The following CRPPA variants were observed in gnomAD, a reference collection of about 807,000 sequenced individuals.
The protein encoded by CRPPA is CDP-L-ribitol pyrophosphorylase A, also known as D-ribitol-5-phosphate cytidylyltransferase.
CRPPA carries 43 observed loss-of-function variants against 52.0 expected under a neutral mutation model. The observed-to-expected ratio is 0.83, with a 90% confidence interval of 0.65 to 1.07. The LOEUF is 1.07. Among genes scored for constraint, CRPPA ranks in the 50% least tolerant of loss-of-function variants. The pLI, the probability that CRPPA is intolerant of heterozygous loss-of-function variation, is 0.00. For synonymous variants in CRPPA, 250 were observed against 203.5 expected, an observed-to-expected ratio of 1.23 and a Z score of -1.94; for missense variants, 629 against 551.7, an observed-to-expected ratio of 1.14 and a Z score of -1.40.
intron 9 of CRPPA, among the ~76,000 whole-genome samples, chr7:16,112,944 C>T (rs1037898411): frequency 1.3e-5 from 2 of 151,832 alleles, no homozygotes; most frequent in Non-Finnish European, 2.9e-5. Context: ...GAAATGCATT[C>T]ATAATAAAAA....
intron 2 of CRPPA, among the ~76,000 whole-genome samples, chr7:16,404,690 C>T (rs1490101417): frequency 6.6e-6 from 1 of 151,912 alleles, no homozygotes; most frequent in Non-Finnish European, 1.5e-5. Flanking sequence ...ATTGTCATCC[C>T]TAAGAACTCT....
chr7:16,300,520 G>A (rs372626440), intron 5 of CRPPA, among the ~76,000 whole-genome samples: 31 of 152,266 alleles, frequency 2.0e-4, no homozygotes, highest in African/African-American at 7.5e-4. Flanking sequence ...TAAAATAGTG[G>A]TTCTCTATCA....
At chr7:16,255,522 C>A (rs375853578) in intron 8 of CRPPA, among the ~76,000 whole-genome samples, 1 of 152,166 alleles carries the variant, frequency 6.6e-6, no homozygotes, top group African/African-American at 2.4e-5. Flanking sequence ...GGAGGCATCA[C>A]GCTACCTGAC....
At chr7:16,265,512 CCAA>C (rs551659182) in intron 6 of CRPPA, among the ~76,000 whole-genome samples, 3 of 152,158 alleles carry the variant, frequency 2.0e-5, no homozygotes, top group Non-Finnish European at 4.4e-5. Flanking sequence ...AGGACATTTC[CCAA>C]CAACTACTGT....
At chr7:16,202,081 TC>T (rs1781873340) in intron 9 of CRPPA, among the ~76,000 whole-genome samples, 1 of 152,202 alleles carries the variant, frequency 6.6e-6, no homozygotes, top group South Asian at 2.1e-4. Flanking sequence ...TAATCACATC[TC>T]CTCTCCAACT....
intron 9 of CRPPA, among the ~76,000 whole-genome samples, chr7:16,178,845 T>C (rs1434953475): frequency 6.6e-6 from 1 of 152,136 alleles, no homozygotes; most frequent in Non-Finnish European, 1.5e-5. Flanking sequence ...ATTAATTGTG[T>C]CTTTATTATG....
intron 9 of CRPPA, among the ~76,000 whole-genome samples, chr7:16,182,369 CTTGT>C (rs1248987999): frequency 6.6e-6 from 1 of 151,884 alleles, no homozygotes; most frequent in Admixed American, 6.6e-5. Context: ...AGTAAAATTC[CTTGT>C]TTAACAGAAA....
chr7:16,333,958 C>T (rs542519303), intron 3 of CRPPA, among the ~76,000 whole-genome samples: 1 of 152,126 alleles, frequency 6.6e-6, no homozygotes, highest in Non-Finnish European at 1.5e-5. Flanking sequence ...TGGCAGACAT[C>T]CACCTTCCTC....
intron 8 of CRPPA, among the ~76,000 whole-genome samples, chr7:16,252,412 A>C (rs1273707402): frequency 6.6e-6 from 1 of 152,194 alleles, no homozygotes; most frequent in African/African-American, 2.4e-5. Flanking sequence ...TCAAAATAAT[A>C]AGAGCTATTT....
At chr7:16,247,843 G>A (rs964691528) in intron 8 of CRPPA, 58 of 152,102 alleles carry the variant, frequency 3.8e-4, no homozygotes, top group African/African-American at 1.3e-3. Flanking sequence ...CTAGTTGTGA[G>A]AGACATGTAC....
At position 16,421,326 on chromosome 7, in the gene CRPPA, T is replaced by C; in HGVS notation, c.-4A>G. ...TGCCCGGCGGCCCGGCCTCCATGGCTGCGGGCGGAACGGCGAGCCCCGCTA... is the reference window on the plus strand; with the variant it reads ...TGCCCGGCGGCCCGGCCTCCATGGCCGCGGGCGGAACGGCGAGCCCCGCTA... On this transcript the variant is annotated 5_prime_UTR_variant, in exon 1 of 10. Coordinates refer to ENST00000407010, the MANE Select transcript of CRPPA (RefSeq NM_001101426.4). 8.0e-7 allele frequency: 1 copy of C among 1,247,814 alleles called. No individual in the cohort carries two copies. Among genetic ancestry groups the C allele is most frequent in the Non-Finnish European group, 1.0e-6 (1 of 993,032 alleles). The allele number at this position is 1,247,814 out of a possible 1,614,324, so 77.3% of individuals were successfully genotyped here. A position where few individuals can be genotyped will look rare whatever the true frequency, so the allele number is the denominator to read the frequency against.
At chr7:16,394,811 C>G (rs928334845) in intron 2 of CRPPA, among the ~76,000 whole-genome samples, 2 of 152,124 alleles carry the variant, frequency 1.3e-5, no homozygotes, top group Non-Finnish European at 2.9e-5. Context: ...CTTCAGGCAT[C>G]TTAAACTAAA....
intron 9 of CRPPA, among the ~76,000 whole-genome samples, chr7:16,180,353 AC>A (rs1185887177): frequency 6.6e-6 from 1 of 152,084 alleles, no homozygotes; most frequent in Non-Finnish European, 1.5e-5. Context: ...ATTTTCCATA[AC>A]TCTTAATTAG....
chr7:16,369,562 C>T (rs1018328699), intron 3 of CRPPA, among the ~76,000 whole-genome samples: 1 of 152,200 alleles, frequency 6.6e-6, no homozygotes, highest in Middle Eastern at 3.4e-3. Context: ...TCTTCCTTCA[C>T]CTGCCCTCAC....
chr7:16,249,938 T>G (rs769922033), intron 8 of CRPPA, among the ~76,000 whole-genome samples: 1 of 152,174 alleles, frequency 6.6e-6, no homozygotes, highest in East Asian at 1.9e-4. Flanking sequence ...TCCTCCGAGC[T>G]AAGGGAGCAT....
chr7:16,304,721 G>A (rs1020734330), intron 4 of CRPPA, among the ~76,000 whole-genome samples: 2 of 152,112 alleles, frequency 1.3e-5, no homozygotes, highest in African/African-American at 4.8e-5. Context: ...TTCTACTACT[G>A]AAATTCTAGT....
chr7:16,410,472 G>A (rs1788054353), intron 1 of CRPPA, among the ~76,000 whole-genome samples: 1 of 152,058 alleles, frequency 6.6e-6, no homozygotes. Flanking sequence ...CAAGATTCTG[G>A]CTCTACTGCC....
intron 9 of CRPPA, among the ~76,000 whole-genome samples, chr7:16,139,364 TA>T (rs1189000664): frequency 6.6e-6 from 1 of 152,212 alleles, no homozygotes; most frequent in Non-Finnish European, 1.5e-5. Context: ...GTCTAAGGTT[TA>T]AATGAAAAGT....
In CRPPA at chr7:16,157,884, A is replaced by AT. The variant is rs1291700760; in HGVS notation, c.1251+58181dup. ...AATGTAGATATTTCTTTTTTTTTTT[A>AT]TTTTTTTTGAGACCGAGTCTCACTC... On this transcript the variant is annotated intron_variant, in intron 9 of 9. Coordinates refer to ENST00000407010, the MANE Select transcript of CRPPA (RefSeq NM_001101426.4). 1.5e-4 allele frequency among the ~76,000 whole-genome samples: 20 copies of AT among 134,144 alleles called. No individual in the cohort carries two copies. In the East Asian group the frequency reaches 3.8e-3, roughly 25 times the overall value. 88.0% of individuals were successfully genotyped at this position (134,144 alleles called of 152,430 possible). A position where few individuals can be genotyped will look rare whatever the true frequency, so the allele number is the denominator to read the frequency against.
Sources: gnomAD v4.1 joint callset for allele counts (sites outside exome capture counted in the v4.1 genomes callset) on GRCh38, gnomAD v4.1.1 for gene constraint, MANE v1.5 for transcripts, NCBI Gene and HGNC (gene_info 2026-07-23, HGNC 2026-07-21) for gene names.